The following PRIM2 variants were observed in gnomAD, a reference collection of about 807,000 sequenced individuals.
The protein encoded by PRIM2 is DNA primase subunit 2, also known as DNA primase large subunit.
A neutral mutation model predicts 67.3 loss-of-function variants in PRIM2; 39 were observed. The ratio of observed to expected loss-of-function variants is 0.58; its 90% CI spans 0.45 to 0.76. PRIM2 has a LOEUF of 0.76. PRIM2 is among the 30% of genes least tolerant of loss of function. The pLI is 0.00. For synonymous variants in PRIM2, 143 were observed against 198.7 expected, an observed-to-expected ratio of 0.72 and a Z score of 2.36; for missense variants, 398 against 598.7, an observed-to-expected ratio of 0.66 and a Z score of 3.50.
chr6:57,346,323 C>CT (rs112400346), intron 5 of PRIM2, among the ~76,000 whole-genome samples: 8,344 of 148,298 alleles, frequency 0.056, 318 homozygotes, highest in Non-Finnish European at 0.081. Context: ...TAAATGTATA[C>CT]TTTTTTTTTT....
intron 10 of PRIM2, among the ~76,000 whole-genome samples, chr6:57,556,933 CAAAA>C (rs1157012977): frequency 1.3e-4 from 18 of 141,418 alleles, no homozygotes; most frequent in African/African-American, 4.5e-4. Flanking sequence ...AAAAGAAAAA[CAAAA>C]AAAAGTCCAT....
chr6:57,448,214 G>T (rs1772426602), intron 7 of PRIM2, among the ~76,000 whole-genome samples: 1 of 152,144 alleles, frequency 6.6e-6, no homozygotes, highest in African/African-American at 2.4e-5. Context: ...AATCAAAATA[G>T]ATTAATTTAA....
intron 8 of PRIM2, among the ~76,000 whole-genome samples, chr6:57,529,485 G>A (rs1774841632): frequency 6.6e-6 from 1 of 152,070 alleles, no homozygotes. Flanking sequence ...GTGTACTAAA[G>A]TCTAAAACAT....
chr6:57,432,043 AT>A (rs1771847723), intron 7 of PRIM2, among the ~76,000 whole-genome samples: 1 of 152,146 alleles, frequency 6.6e-6, no homozygotes, highest in Non-Finnish European at 1.5e-5. Context: ...CTTAATATGA[AT>A]GTATTCTAAG....
At chr6:57,415,354 A>G (rs1771225633) in intron 7 of PRIM2, among the ~76,000 whole-genome samples, 1 of 152,238 alleles carries the variant, frequency 6.6e-6, no homozygotes, top group Non-Finnish European at 1.5e-5. Context: ...GGCATGCCAT[A>G]TAAATTTTTG....
chr6:57,316,625 C>G (rs559598167), upstream of PRIM2, among the ~76,000 whole-genome samples: 15 of 152,202 alleles, frequency 9.9e-5, no homozygotes, highest in East Asian at 2.9e-3. Context: ...CATTTGATCT[C>G]CTAAGGACTA....
chr6:57,256,714 TCACACACACACA>T, the PRIM2 span, among the ~76,000 whole-genome samples: 4 of 134,408 alleles, frequency 3.0e-5, no homozygotes, highest in African/African-American at 1.2e-4. Context: ...TCTCTCACTT[TCACACACACACA>T]CACACACACA....
chr6:57,629,757 AG>A, intron 12 of PRIM2, among the ~76,000 whole-genome samples: 1 of 150,326 alleles, frequency 6.7e-6, no homozygotes. Context: ...AGTTCACTTT[AG>A]TCCTGCACAT....
At chr6:57,539,783 C>T (rs1159889620) in intron 10 of PRIM2, among the ~76,000 whole-genome samples, 1 of 152,028 alleles carries the variant, frequency 6.6e-6, no homozygotes, top group Non-Finnish European at 1.5e-5. Flanking sequence ...CGCCTGAGGT[C>T]AGGAGTTCAA....
chr6:57,440,285 A>AT (rs1772161986), intron 7 of PRIM2, among the ~76,000 whole-genome samples: 1 of 150,824 alleles, frequency 6.6e-6, no homozygotes, highest in Admixed American at 6.6e-5. Context: ...CTGTTTATTT[A>AT]TTTTTATTTT....
intron 10 of PRIM2, among the ~76,000 whole-genome samples, chr6:57,588,873 T>G (rs1377841910): frequency 6.6e-6 from 1 of 152,190 alleles, no homozygotes; most frequent in Non-Finnish European, 1.5e-5. Flanking sequence ...GTTTGGAAAG[T>G]CAGTTCCACC....
the PRIM2 span, among the ~76,000 whole-genome samples, chr6:57,272,095 G>A: frequency 9.9e-5 from 15 of 152,188 alleles, no homozygotes; most frequent in Non-Finnish European, 7.3e-5. Flanking sequence ...TGAAAGGAAC[G>A]TATATTCTAT....
In PRIM2 at chr6:57,370,277, A is replaced by T. The variant is rs554661724; in HGVS notation, c.460-9624A>T. ...TGCAGCAGGTAATCTCATTTAGGAG[A>T]ACCTAAATAAATGAAATATCCTTAT... On this transcript the variant is annotated intron_variant, in intron 5 of 13. Coordinates refer to ENST00000615550, the MANE Select transcript of PRIM2 (RefSeq NM_000947.5). Among the ~76,000 whole-genome samples the T allele has an allele frequency of 2.0e-4, 30 of 152,278 alleles. No homozygotes were observed. The South Asian group carries it at 2.3e-3, about 12-fold the overall frequency.
Position 57,532,444 on chromosome 6 carries a change from G to T in PRIM2, c.795G>T (p.Gln265His), listed in dbSNP as rs1774911627. Reference protein sequence around the residue: ...HSYTGQDYSTQGNVGKISLDQ... With the variant: ...HSYTGQDYSTHGNVGKISLDQ... ...ACACTGGCCAAGATTACAGTACCCA[G>T]GGAAATGTTGGGAAGATTTCTTTAG... The change falls in exon 9 of 14, where the codon CAG (glutamine) becomes CAT (histidine). Residue 265 changes from glutamine (Q) to histidine (H), a missense_variant. Transcript: ENST00000615550. 2 of 1,457,196 alleles carry T rather than the reference G, an allele frequency of 1.4e-6. No homozygotes were observed. 90.3% of individuals were successfully genotyped at this position (1,457,196 alleles called of 1,614,324 possible). A position where few individuals can be genotyped will look rare whatever the true frequency, so the allele number is the denominator to read the frequency against.
chr6:57,530,720 CT>C (rs1208233183), intron 8 of PRIM2, among the ~76,000 whole-genome samples: 3 of 144,566 alleles, frequency 2.1e-5, no homozygotes, highest in Non-Finnish European at 4.6e-5. Flanking sequence ...TTTTTTTTTT[CT>C]TTTTTTTGAT....
intron 7 of PRIM2, among the ~76,000 whole-genome samples, chr6:57,399,393 G>A (rs1770629821): frequency 6.6e-6 from 1 of 152,198 alleles, no homozygotes; most frequent in African/African-American, 2.4e-5. Flanking sequence ...TGGCTGCAAA[G>A]TATTCCATGG....
rs9475907 is a variant in PRIM2, at chr6:57,381,899, T to G, written c.556-132T>G. Reference sequence around the variant, plus strand: ...GCTGTTGAGTTTTAAGGAGGATAAATTAATCATTTTGATATTCTTTTGGCT... The same window carrying G: ...GCTGTTGAGTTTTAAGGAGGATAAAGTAATCATTTTGATATTCTTTTGGCT... On this transcript the variant is annotated intron_variant, in intron 6 of 13. Coordinates refer to ENST00000615550, the MANE Select transcript of PRIM2 (RefSeq NM_000947.5). 0.011 allele frequency: 9,786 copies of G among 919,098 alleles called. 655 individuals are homozygous for G. The African/African-American group carries it at 0.15, about 14-fold the overall frequency. 56.9% of individuals were successfully genotyped at this position (919,098 alleles called of 1,614,324 possible).
chr6:57,374,673 C>T (rs1581840524), intron 5 of PRIM2, among the ~76,000 whole-genome samples: 2 of 152,266 alleles, frequency 1.3e-5, no homozygotes, highest in East Asian at 1.9e-4. Flanking sequence ...TCACTACAAC[C>T]TCCACCTCCC....
chr6:57,253,646 G>T, the PRIM2 span, among the ~76,000 whole-genome samples: 1 of 152,138 alleles, frequency 6.6e-6, no homozygotes, highest in African/African-American at 2.4e-5. Flanking sequence ...ACTATCAATA[G>T]TGTAATCATG....
Sources: gnomAD v4.1 joint callset for allele counts (sites outside exome capture counted in the v4.1 genomes callset) on GRCh38, gnomAD v4.1.1 for gene constraint, MANE v1.5 for transcripts, NCBI Gene and HGNC (gene_info 2026-07-23, HGNC 2026-07-21) for gene names.